NRDC: variants seen among roughly 807,000 people sequenced by gnomAD.
The protein encoded by NRDC is nardilysin.
A neutral mutation model predicts 147.1 loss-of-function variants in NRDC; 54 were observed. The ratio of observed to expected loss-of-function variants is 0.37; its 90% CI spans 0.29 to 0.46. The LOEUF is 0.46. Among genes scored for constraint, NRDC ranks in the 20% least tolerant of loss-of-function variants. The probability of loss-of-function intolerance (pLI) is 1.00; values close to 1 mark genes in which losing one functional copy is unlikely to be tolerated. For synonymous variants in NRDC, 440 were observed against 482.1 expected, an observed-to-expected ratio of 0.91 and a Z score of 1.14; for missense variants, 1,082 against 1,370.6, an observed-to-expected ratio of 0.79 and a Z score of 3.33.
rs2149206559 is a variant in NRDC, at chr1:51,818,605, C to G, written c.1292-470G>C. Among the ~76,000 whole-genome samples the G allele has an allele frequency of 1.3e-5, 2 of 152,096 alleles. 1 individual carries two copies. Among genetic ancestry groups the G allele is most frequent in the South Asian group, 4.1e-4 (2 of 4,820 alleles). ...TGCTATTATTCTATGAAGAGGAAAC[C>G]TAAAACCAGAAAGAATACAATAAAA... On this transcript the variant is annotated intron_variant, in intron 9 of 30. Coordinates refer to ENST00000352171, the MANE Select transcript of NRDC (RefSeq NM_001101662.2).
intron 15 of NRDC, 96 bp downstream of exon 15, chr1:51,811,896 TAA>T (rs1214216858): frequency 4.3e-6 from 3 of 700,388 alleles, no homozygotes; most frequent in African/African-American, 1.8e-5. Flanking sequence ...TAAATATAAC[TAA>T]GTTTTCTTCG....
chr1:51,854,359 T>C (rs1682133369), intron 1 of NRDC, among the ~76,000 whole-genome samples: 2 of 152,036 alleles, frequency 1.3e-5, no homozygotes, highest in Admixed American at 6.6e-5. Context: ...CAGAGCAAGA[T>C]GCCATCTCAA....
chr1:51,836,236 A>G, intron 2 of NRDC, 24 bp from the exon 3 acceptor site: 1 of 1,609,972 alleles, frequency 6.2e-7, no homozygotes, highest in African/African-American at 1.3e-5. Flanking sequence ...AACACATACA[A>G]ATAGTTGAGT....
chr1:51,795,189 T>G (rs1030395658), intron 22 of NRDC: 1 of 1,337,318 alleles, frequency 7.5e-7, no homozygotes, highest in African/African-American at 1.5e-5. Context: ...TTCAGAATCC[T>G]GGGCCCATTG....
At chr1:51,848,125 T>A (rs887601353) in intron 1 of NRDC, among the ~76,000 whole-genome samples, 3 of 152,196 alleles carry the variant, frequency 2.0e-5, no homozygotes, top group African/African-American at 7.2e-5. Flanking sequence ...TCACTACTAT[T>A]CAATATTATA....
In NRDC at chr1:51,862,643, G is replaced by C. The variant is rs188612913; in HGVS notation, c.341+15632C>G. On this transcript the variant is annotated intron_variant, in intron 1 of 30. Transcript: ENST00000352171. ...GGAGGCTGAGGTGGGAGGATCACCT[G>C]AGCCAGGAGGTTAAGGCTGCAGTGA... Among the ~76,000 whole-genome samples the C allele has an allele frequency of 3.7e-3, 558 of 152,074 alleles. 4 individuals are homozygous for C. Among genetic ancestry groups the C allele is most frequent in the African/African-American group, 0.013 (542 of 41,478 alleles).
chr1:51,841,176 C>T (rs1681248248), intron 1 of NRDC, among the ~76,000 whole-genome samples: 1 of 152,214 alleles, frequency 6.6e-6, no homozygotes, highest in African/African-American at 2.4e-5. Flanking sequence ...AAGCAGCTCA[C>T]CTCAGCCTCC....
chr1:51,813,933 C>G, intron 14 of NRDC, 102 bp downstream of exon 14: 1 of 784,964 alleles, frequency 1.3e-6, no homozygotes, highest in Middle Eastern at 2.4e-4. Context: ...CACAGAATGA[C>G]AGAATTAAAA....
intron 1 of NRDC, among the ~76,000 whole-genome samples, chr1:51,845,813 C>A (rs1681532539): frequency 6.6e-6 from 1 of 152,096 alleles, no homozygotes; most frequent in South Asian, 2.1e-4. Context: ...TATCCTGGGA[C>A]AACACCAGGC....
chr1:51,795,105 A>G (rs930556180), intron 22 of NRDC: 2 of 1,431,806 alleles, frequency 1.4e-6, no homozygotes, highest in Admixed American at 2.2e-5. Context: ...CAGTTTCCCA[A>G]CTGGATCAAA....
At chr1:51,831,132 A>G (rs1680687380) in intron 4 of NRDC, among the ~76,000 whole-genome samples, 1 of 152,184 alleles carries the variant, frequency 6.6e-6, no homozygotes, top group East Asian at 1.9e-4. Context: ...TAAATGTGTA[A>G]GGTGATATTC....
intron 7 of NRDC, among the ~76,000 whole-genome samples, chr1:51,823,448 T>C (rs894572795): frequency 6.6e-6 from 1 of 152,226 alleles, no homozygotes; most frequent in African/African-American, 2.4e-5. Flanking sequence ...GACCTATTTC[T>C]GTAAGAGAAA....
At chr1:51,846,347 C>G (rs1010676301) in intron 1 of NRDC, among the ~76,000 whole-genome samples, 2 of 152,144 alleles carry the variant, frequency 1.3e-5, no homozygotes, top group African/African-American at 4.8e-5. Flanking sequence ...TTCCTGACCT[C>G]AAGTGATCCA....
intron 1 of NRDC, among the ~76,000 whole-genome samples, chr1:51,854,480 T>C (rs769793674): frequency 5.3e-5 from 8 of 152,264 alleles, no homozygotes; most frequent in Middle Eastern, 3.4e-3. Flanking sequence ...ACAAGATTGA[T>C]GGGTGACAAA....
chr1:51,794,508 C>T lies in NRDC; in HGVS notation c.2739G>A (p.Lys913=), dbSNP rs1678796156. Residue 913 remains lysine (K), a synonymous_variant, in exon 24 of 31, where the codon AAG becomes AAA. Transcript: ENST00000352171. The part of the protein sequence containing the change: ...HHLCKVKALN[K]GDANSEVTVY... ...CAGTGACTTCAGAGTTGGCATCACC[C>T]TTGTTCAGAGCTTTCACTTTGCATA... is the stretch of plus-strand genomic sequence containing the variant. 2.5e-6 allele frequency: 4 copies of T among 1,614,182 alleles called. No individual in the cohort carries two copies. The highest frequency in any genetic ancestry group is 1.3e-5 in the African/African-American group (1 of 75,040).
intron 1 of NRDC, among the ~76,000 whole-genome samples, chr1:51,874,798 G>C (rs543513220): frequency 5.9e-5 from 9 of 152,132 alleles, no homozygotes; most frequent in Non-Finnish European, 8.8e-5. Flanking sequence ...AGCATAATAG[G>C]TGTCCTGGAA....
chr1:51,791,464 C>A, intron 27 of NRDC, 114 bp downstream of exon 27: 1 of 808,104 alleles, frequency 1.2e-6, no homozygotes, highest in Non-Finnish European at 2.1e-6. Context: ...CTTCCACTGA[C>A]TAAATAGAGC....
At chr1:51,802,036 C>G (rs1034205513) in intron 20 of NRDC, among the ~76,000 whole-genome samples, 9 of 152,200 alleles carry the variant, frequency 5.9e-5, no homozygotes, top group Non-Finnish European at 8.8e-5. Context: ...ATCCGCCCGC[C>G]TCAGCCTCTC....
chr1:51,790,934 A>G lies in NRDC; in HGVS notation c.3017T>C (p.Ile1006Thr), dbSNP rs1317050850. 3.1e-6 allele frequency: 5 copies of G among 1,613,880 alleles called. No individual in the cohort carries two copies. The highest frequency in any genetic ancestry group is 1.7e-5 in the Admixed American group (1 of 59,994). The change falls in exon 28 of 31, where the codon ATT (isoleucine) becomes ACT (threonine). Residue 1006 changes from isoleucine to threonine, a missense_variant. Ile to Thr is a moderately conservative substitution (Grantham distance 89, BLOSUM62 -1). This residue lies in a region of NRDC where 187 missense variants were observed against 193.6 expected (regional missense o/e 0.97). Coordinates refer to ENST00000352171, the MANE Select transcript of NRDC (RefSeq NM_001101662.2). ...GAATGCCTCTTCAGTGAGGTTCTCA[A>G]TCTTCTCCTCAAAGCTAGAAAGAAA... The part of the protein sequence containing the change: ...EEFLSSFEEK[I>T]ENLTEEAFNT...
Sources: gnomAD v4.1 joint callset for allele counts (sites outside exome capture counted in the v4.1 genomes callset) on GRCh38, gnomAD v4.1.1 for gene constraint, gnomAD v4.1.1 regional missense constraint, MANE v1.5 for transcripts, NCBI Gene and HGNC (gene_info 2026-07-23, HGNC 2026-07-21) for gene names.